ST18: variants seen among roughly 807,000 people sequenced by gnomAD.
ST18 encodes the protein ST18 C2H2C-type zinc finger transcription factor.
A neutral mutation model predicts 110.0 loss-of-function variants in ST18; 50 were observed. That is an observed-to-expected ratio of 0.45 (90% CI 0.36 to 0.58). The LOEUF is 0.58. Among genes scored for constraint, ST18 ranks in the 20% least tolerant of loss-of-function variants. The pLI, the probability that ST18 is intolerant of heterozygous loss-of-function variation, is 0.00. For synonymous variants in ST18, 461 were observed against 452.4 expected, an observed-to-expected ratio of 1.02 and a Z score of -0.24; for missense variants, 1,306 against 1,280.1, an observed-to-expected ratio of 1.02 and a Z score of -0.31.
At chr8:52,135,568 CAAAAA>C (rs71252929) in intron 19 of ST18, among the ~76,000 whole-genome samples, 3 of 56,166 alleles carry the variant, frequency 5.3e-5, no homozygotes, top group Non-Finnish European at 7.4e-5. Context: ...AACTCCATCT[CAAAAA>C]AAAAAAAAAA....
chr8:52,157,572 T>C (rs2060347211), intron 15 of ST18, among the ~76,000 whole-genome samples: 3 of 152,236 alleles, frequency 2.0e-5, no homozygotes, highest in African/African-American at 2.4e-5. Context: ...AAATCACCTA[T>C]GTAAATAATT....
chr8:52,301,851 G>A (rs2095728247), intron 2 of ST18: 1 of 152,098 alleles, frequency 6.6e-6, no homozygotes, highest in African/African-American at 2.4e-5. Flanking sequence ...TTCCTTCCAG[G>A]ATGGTACTAG....
intron 2 of ST18, among the ~76,000 whole-genome samples, chr8:52,338,284 C>G (rs1564526316): frequency 6.6e-6 from 1 of 152,100 alleles, no homozygotes; most frequent in African/African-American, 2.4e-5. Context: ...TCTCAAACTC[C>G]TGACCTCAGA....
intron 2 of ST18, among the ~76,000 whole-genome samples, chr8:52,296,090 G>A (rs1212703312): frequency 1.3e-5 from 2 of 152,116 alleles, no homozygotes; most frequent in Non-Finnish European, 2.9e-5. Flanking sequence ...TTCGGCAGCT[G>A]CTTGGCGTCA....
At chr8:52,333,835 G>T (rs1810774319) in intron 2 of ST18, among the ~76,000 whole-genome samples, 1 of 152,184 alleles carries the variant, frequency 6.6e-6, no homozygotes, top group Admixed American at 6.5e-5. Flanking sequence ...ACTTGTACAT[G>T]TATTGAGTAT....
chr8:52,246,231 T>C (rs2093835179), intron 2 of ST18, among the ~76,000 whole-genome samples: 1 of 152,012 alleles, frequency 6.6e-6, no homozygotes, highest in Non-Finnish European at 1.5e-5. Flanking sequence ...TATTTTTCAA[T>C]TATAATGTCC....
intron 2 of ST18, among the ~76,000 whole-genome samples, chr8:52,373,322 T>C (rs761804176): frequency 2.6e-5 from 4 of 152,164 alleles, no homozygotes; most frequent in Admixed American, 6.5e-5. Flanking sequence ...CTCCAACTTA[T>C]GGTTACTTAT....
chr8:52,143,004 C>CT lies in ST18; in HGVS notation c.2093dup (p.Phe699ValfsTer11). 1 of 1,613,898 alleles carries CT rather than the reference C, an allele frequency of 6.2e-7. No homozygotes were observed. The highest frequency in any genetic ancestry group is 8.5e-7 in the Non-Finnish European group (1 of 1,179,874). ...TTGGTATAGAGGCCTCTCCAGGAAA[C>CT]TTTTTTTCCTCTAAATTTTCTAGAG... On this transcript the variant is annotated frameshift_variant, in exon 17 of 26. Transcript: ENST00000689386. LOFTEE classifies it high-confidence loss of function.
intron 2 of ST18, among the ~76,000 whole-genome samples, chr8:52,327,399 G>T (rs1011149715): frequency 6.6e-6 from 1 of 152,160 alleles, no homozygotes; most frequent in African/African-American, 2.4e-5. Flanking sequence ...GAGAGAGTCT[G>T]TATAGAACCC....
intron 2 of ST18, among the ~76,000 whole-genome samples, chr8:52,276,271 T>G (rs1045835674): frequency 6.3e-5 from 3 of 47,710 alleles, no homozygotes; most frequent in Non-Finnish European, 1.4e-4. Context: ...ACACACCACG[T>G]ACCACATACA....
chr8:52,370,489 C>A (rs1260695330), intron 2 of ST18, among the ~76,000 whole-genome samples: 3 of 152,108 alleles, frequency 2.0e-5, no homozygotes, highest in African/African-American at 7.2e-5. Flanking sequence ...CAACACTGTT[C>A]TAGTCCCATG....
intron 8 of ST18, among the ~76,000 whole-genome samples, chr8:52,203,786 A>G (rs2078922210): frequency 6.6e-6 from 1 of 152,140 alleles, no homozygotes; most frequent in African/African-American, 2.4e-5. Flanking sequence ...TCAGGGTGAG[A>G]AGATTTGGAC....
At chr8:52,200,683 G>A (rs1384363732) in intron 8 of ST18, among the ~76,000 whole-genome samples, 1 of 152,282 alleles carries the variant, frequency 6.6e-6, no homozygotes, top group East Asian at 1.9e-4. Context: ...TGGCTTAGGG[G>A]CCTAGTGACA....
intron 2 of ST18, among the ~76,000 whole-genome samples, chr8:52,345,790 C>T (rs576939781): frequency 6.6e-6 from 1 of 152,296 alleles, no homozygotes; most frequent in East Asian, 1.9e-4. Context: ...CGGCTTGACT[C>T]CTTTCTTATC....
chr8:52,332,915 G>A (rs1810275577), intron 2 of ST18, among the ~76,000 whole-genome samples: 1 of 152,092 alleles, frequency 6.6e-6, no homozygotes, highest in Admixed American at 6.6e-5. Flanking sequence ...AAGGCACATA[G>A]AACTAATCAT....
At chr8:52,189,550 T>A (rs1430764562) in intron 8 of ST18, among the ~76,000 whole-genome samples, 1 of 152,126 alleles carries the variant, frequency 6.6e-6, no homozygotes, top group Admixed American at 6.5e-5. Context: ...GTTCTTAAAC[T>A]CAGAACCCAG....
At chr8:52,209,364 C>T (rs1480783275) in intron 8 of ST18, among the ~76,000 whole-genome samples, 6 of 152,116 alleles carry the variant, frequency 3.9e-5, no homozygotes, top group Non-Finnish European at 8.8e-5. Flanking sequence ...TCACTTTATT[C>T]ATCTGAAAAC....
Position 52,374,563 on chromosome 8 carries a change from C to T in ST18, c.-465+34765G>A, listed in dbSNP as rs144291304. On this transcript the variant is annotated intron_variant, in intron 2 of 25. Coordinates refer to ENST00000689386, the MANE Select transcript of ST18 (RefSeq NM_001352837.2). ...TTTTTTATGTTCCAGGGTACATGTG[C>T]AGGATGTACAGGTTTGTTACATAGG... Among the ~76,000 whole-genome samples, 860 of 152,036 alleles carry T rather than the reference C, an allele frequency of 5.7e-3. 2 individuals are homozygous for T. The highest frequency in any genetic ancestry group is 0.01 in the Non-Finnish European group (700 of 67,978).
chr8:52,191,271 C>T (rs2074370901), intron 8 of ST18, among the ~76,000 whole-genome samples: 1 of 152,178 alleles, frequency 6.6e-6, no homozygotes, highest in South Asian at 2.1e-4. Flanking sequence ...TGGAGCAAGG[C>T]CATGTCATGT....
Sources: allele counts gnomAD v4.1 joint callset (sites outside exome capture counted in the v4.1 genomes callset), GRCh38; gene constraint gnomAD v4.1.1; transcripts MANE v1.5; gene names NCBI Gene and HGNC (gene_info 2026-07-23, HGNC 2026-07-21).